KCND2: variants seen among roughly 807,000 people sequenced by gnomAD.
KCND2 encodes potassium voltage-gated channel subfamily D member 2.
KCND2 carries 16 observed loss-of-function variants against 54.4 expected under a neutral mutation model. That is an observed-to-expected ratio of 0.29 (90% CI 0.20 to 0.45). The LOEUF is 0.45. Ranked by LOEUF, KCND2 falls within the 20% of genes least tolerant of loss-of-function variation. KCND2 has a pLI of 1.00. For synonymous variants in KCND2, 317 were observed against 310.7 expected, an observed-to-expected ratio of 1.02 and a Z score of -0.21; for missense variants, 486 against 824.2, an observed-to-expected ratio of 0.59 and a Z score of 5.02.
At chr7:120,643,945 C>A (rs1201300796) in intron 1 of KCND2, among the ~76,000 whole-genome samples, 1 of 151,166 alleles carries the variant, frequency 6.6e-6, no homozygotes, top group Non-Finnish European at 1.5e-5. Context: ...AGCTATTTTT[C>A]AGGGCATATT....
chr7:120,473,312 C>T (rs569082531), intron 1 of KCND2, among the ~76,000 whole-genome samples: 4 of 152,174 alleles, frequency 2.6e-5, no homozygotes, highest in Non-Finnish European at 4.4e-5. Flanking sequence ...CAGCGCTCAT[C>T]GTCACTCTCA....
chr7:120,434,045 C>G (rs536437121), intron 1 of KCND2, among the ~76,000 whole-genome samples: 7 of 152,104 alleles, frequency 4.6e-5, no homozygotes, highest in Admixed American at 2.6e-4. Context: ...TTTAAGTGCC[C>G]TAGTGTAATG....
chr7:120,727,602 T>A (rs1792750246), intron 1 of KCND2, among the ~76,000 whole-genome samples: 1 of 152,214 alleles, frequency 6.6e-6, no homozygotes, highest in Non-Finnish European at 1.5e-5. Flanking sequence ...CTTCAATATT[T>A]GGCAAAATAT....
intron 1 of KCND2, among the ~76,000 whole-genome samples, chr7:120,405,928 G>T (rs1033591480): frequency 5.3e-5 from 8 of 151,966 alleles, no homozygotes; most frequent in Non-Finnish European, 8.8e-5. Context: ...TTCTGTCATG[G>T]TATAGTAGGT....
intron 1 of KCND2, among the ~76,000 whole-genome samples, chr7:120,539,701 TTAATA>T (rs1206691249): frequency 3.9e-5 from 6 of 152,212 alleles, no homozygotes; most frequent in African/African-American, 1.4e-4. Context: ...AGTGAAATGA[TTAATA>T]TATTCTAGCA....
intron 1 of KCND2, among the ~76,000 whole-genome samples, chr7:120,279,700 A>G (rs754984551): frequency 1.3e-4 from 19 of 151,968 alleles, no homozygotes; most frequent in Non-Finnish European, 1.6e-4. Flanking sequence ...TTAAGGAACA[A>G]CAAAAAAGCA....
chr7:120,407,956 A>G (rs963924958), intron 1 of KCND2, among the ~76,000 whole-genome samples: 25 of 151,858 alleles, frequency 1.6e-4, no homozygotes, highest in Admixed American at 1.2e-3. Flanking sequence ...GATTCTAGGA[A>G]GAAAATCATG....
At chr7:120,327,774 T>G (rs749657854) in intron 1 of KCND2, among the ~76,000 whole-genome samples, 1 of 152,098 alleles carries the variant, frequency 6.6e-6, no homozygotes, top group East Asian at 1.9e-4. Context: ...TTAGAAAGTT[T>G]TAAATATAAC....
intron 1 of KCND2, among the ~76,000 whole-genome samples, chr7:120,407,445 C>T (rs901901795): frequency 1.3e-5 from 2 of 152,008 alleles, no homozygotes; most frequent in Non-Finnish European, 2.9e-5. Flanking sequence ...AAGGGAGAGG[C>T]AGGCATACTG....
intron 1 of KCND2, among the ~76,000 whole-genome samples, chr7:120,540,808 T>G (rs978797375): frequency 2.6e-5 from 4 of 151,484 alleles, no homozygotes; most frequent in Admixed American, 1.3e-4. Flanking sequence ...TAGGATTCAC[T>G]CTCTATAAAA....
At chr7:120,417,995 C>G (rs1193762466) in intron 1 of KCND2, among the ~76,000 whole-genome samples, 2 of 152,152 alleles carry the variant, frequency 1.3e-5, no homozygotes, top group Non-Finnish European at 2.9e-5. Flanking sequence ...TAAATATCCA[C>G]TTGGTAAAAG....
At chr7:120,742,639 G>C (rs757914749) in intron 4 of KCND2, 37 bp downstream of exon 4, 1 of 1,486,396 alleles carries the variant, frequency 6.7e-7, no homozygotes, top group Non-Finnish European at 9.4e-7. Context: ...CTTGCTCTCT[G>C]ACAGTAATTC....
At chr7:120,492,402 T>C (rs1048795397) in intron 1 of KCND2, among the ~76,000 whole-genome samples, 1 of 152,034 alleles carries the variant, frequency 6.6e-6, no homozygotes, top group Non-Finnish European at 1.5e-5. Context: ...ACATGCATAC[T>C]CATATGTACA....
intron 1 of KCND2, among the ~76,000 whole-genome samples, chr7:120,346,330 A>G (rs565616098): frequency 1.3e-5 from 2 of 152,094 alleles, no homozygotes; most frequent in Non-Finnish European, 2.9e-5. Flanking sequence ...TTTTGCCTTG[A>G]GTGAGTTCAT....
chr7:120,431,463 C>G (rs935686752), intron 1 of KCND2, among the ~76,000 whole-genome samples: 7 of 152,260 alleles, frequency 4.6e-5, no homozygotes, highest in African/African-American at 1.4e-4. Context: ...AACATGGTCT[C>G]TGTGACATCA....
chr7:120,482,154 G>A (rs1414197342), intron 1 of KCND2, among the ~76,000 whole-genome samples: 1 of 152,166 alleles, frequency 6.6e-6, no homozygotes, highest in African/African-American at 2.4e-5. Context: ...CCAACTGTAA[G>A]CTTTAATGTT....
At chr7:120,335,918 AT>A (rs1001079622) in intron 1 of KCND2, among the ~76,000 whole-genome samples, 3 of 152,106 alleles carry the variant, frequency 2.0e-5, no homozygotes, top group African/African-American at 4.8e-5. Flanking sequence ...TCTTTTAAAT[AT>A]TTTTTTTCTA....
chr7:120,651,374 C>G (rs980657825), intron 1 of KCND2, among the ~76,000 whole-genome samples: 3 of 152,088 alleles, frequency 2.0e-5, no homozygotes, highest in African/African-American at 7.3e-5. Flanking sequence ...ACTGCTGTGC[C>G]AGCAATGAGT....
chr7:120,348,415 G>A (rs1800356148), intron 1 of KCND2, among the ~76,000 whole-genome samples: 1 of 152,118 alleles, frequency 6.6e-6, no homozygotes, highest in African/African-American at 2.4e-5. Flanking sequence ...TTGTTCAAAT[G>A]ATATTAAAAT....
Sources: gnomAD v4.1 joint callset for allele counts (sites outside exome capture counted in the v4.1 genomes callset) on GRCh38, gnomAD v4.1.1 for gene constraint, MANE v1.5 for transcripts, NCBI Gene and HGNC (gene_info 2026-07-23, HGNC 2026-07-21) for gene names.